NREP: variants seen among roughly 807,000 people sequenced by gnomAD.
NREP encodes the protein neuronal regeneration related protein.
A neutral mutation model predicts 8.6 loss-of-function variants in NREP; 5 were observed. The ratio of observed to expected loss-of-function variants is 0.58; its 90% CI spans 0.30 to 1.22. NREP has a LOEUF of 1.22. Ranked by LOEUF, NREP falls within the 50% of genes most tolerant of loss-of-function variation. The pLI, the probability that NREP is intolerant of heterozygous loss-of-function variation, is 0.07. For synonymous variants in NREP, 27 were observed against 28.0 expected, an observed-to-expected ratio of 0.96 and a Z score of 0.11; for missense variants, 86 against 82.5, an observed-to-expected ratio of 1.04 and a Z score of -0.17.
intron 2 of NREP, among the ~76,000 whole-genome samples, chr5:111,833,290 T>C (rs1752817902): frequency 6.6e-6 from 1 of 152,222 alleles, no homozygotes; most frequent in South Asian, 2.1e-4. Context: ...TATCCTACAA[T>C]GGCAATTATT....
chr5:111,880,144 C>A (rs1754014269), intron 2 of NREP, among the ~76,000 whole-genome samples: 1 of 152,138 alleles, frequency 6.6e-6, no homozygotes. Context: ...CCATTTATTA[C>A]CTGTGAGACA....
At chr5:111,895,451 T>C (rs1272527284) in intron 2 of NREP, among the ~76,000 whole-genome samples, 1 of 152,062 alleles carries the variant, frequency 6.6e-6, no homozygotes, top group Non-Finnish European at 1.5e-5. Flanking sequence ...GATATTTCAG[T>C]GCCATGGAAA....
At chr5:111,961,374 G>A (rs1261774786) in intron 2 of NREP, among the ~76,000 whole-genome samples, 1 of 152,204 alleles carries the variant, frequency 6.6e-6, no homozygotes, top group African/African-American at 2.4e-5. Flanking sequence ...TGTCCAAAAA[G>A]AAGCAATAAG....
intron 2 of NREP, among the ~76,000 whole-genome samples, chr5:111,770,053 G>T (rs1751181399): frequency 6.6e-6 from 1 of 152,176 alleles, no homozygotes. Context: ...GGACTATAGT[G>T]AGCAAGAGGA....
chr5:111,746,288 G>A (rs953759734), intron 2 of NREP, among the ~76,000 whole-genome samples: 2 of 151,948 alleles, frequency 1.3e-5, no homozygotes, highest in African/African-American at 4.8e-5. Flanking sequence ...TAAATGAAAA[G>A]ATGTGGAGAC....
intron 2 of NREP, among the ~76,000 whole-genome samples, chr5:111,810,265 T>G (rs1172170289): frequency 6.6e-6 from 1 of 151,544 alleles, no homozygotes; most frequent in East Asian, 1.9e-4. Context: ...CAGAATAGAG[T>G]GTGAGATGGT....
chr5:111,928,974 G>A (rs1435403207), intron 2 of NREP, among the ~76,000 whole-genome samples: 1 of 151,952 alleles, frequency 6.6e-6, no homozygotes, highest in Non-Finnish European at 1.5e-5. Flanking sequence ...TTAAATTATT[G>A]TATGTAGTTT....
chr5:111,789,221 AGG>A (rs1751683804), intron 2 of NREP, among the ~76,000 whole-genome samples: 1 of 152,164 alleles, frequency 6.6e-6, no homozygotes, highest in African/African-American at 2.4e-5. Context: ...CTGTTTCTCT[AGG>A]GAAGCATCAT....
intron 2 of NREP, among the ~76,000 whole-genome samples, chr5:111,956,460 A>T (rs757201431): frequency 3.4e-4 from 52 of 152,264 alleles, no homozygotes; most frequent in Middle Eastern, 3.4e-3. Flanking sequence ...AAATTAGTAA[A>T]TTTGAAGAGA....
At chr5:111,836,347 A>G (rs1752893180) in intron 2 of NREP, among the ~76,000 whole-genome samples, 1 of 152,040 alleles carries the variant, frequency 6.6e-6, no homozygotes, top group Non-Finnish European at 1.5e-5. Context: ...ATCTGAATAT[A>G]CAGAGAGGGG....
chr5:111,757,846 G>C, upstream of NREP: 1 of 972,626 alleles, frequency 1.0e-6, no homozygotes, highest in Non-Finnish European at 1.2e-6. Context: ...AGGCGGTTTG[G>C]GGGCGCGCCA....
intron 2 of NREP, among the ~76,000 whole-genome samples, chr5:111,885,936 C>T (rs1302258492): frequency 1.3e-5 from 2 of 152,040 alleles, no homozygotes; most frequent in African/African-American, 4.8e-5. Context: ...TCTAAAACAC[C>T]AAAAGCAATG....
rs191879458 is a variant in NREP, at chr5:111,855,830, A to G, written c.135+119444T>C. Among the ~76,000 whole-genome samples, 4 of 152,298 alleles carry G rather than the reference A, an allele frequency of 2.6e-5. No individual in the cohort carries two copies. The East Asian group carries it at 7.7e-4, about 29-fold the overall frequency. On this transcript the variant is annotated intron_variant, in intron 2 of 3. Coordinates refer to the NREP transcript ENST00000395634. ...AACCTCCCCAATAATACTTTCATGC[A>G]GGCGAAATCAGGTGAAAATGCACAC...
chr5:111,870,788 G>A lies in NREP; in HGVS notation c.135+104486C>T, dbSNP rs144095735. The stretch of plus-strand genomic sequence containing the variant: ...AGGCAGAGATTGGAGATATGCAGCT[G>A]CAAGCCAAGGACTGTCAAGGATTGA... On this transcript the variant is annotated intron_variant, in intron 2 of 3. Transcript: ENST00000395634. Among the ~76,000 whole-genome samples, 628 of 152,264 alleles carry A rather than the reference G, an allele frequency of 4.1e-3. 4 individuals carry two copies. The highest frequency in any genetic ancestry group is 6.0e-3 in the Non-Finnish European group (409 of 68,018).
chr5:111,782,251 A>T (rs188048084), intron 2 of NREP, among the ~76,000 whole-genome samples: 446 of 152,314 alleles, frequency 2.9e-3, no homozygotes, highest in Non-Finnish European at 5.0e-3. Flanking sequence ...GAATATCCAC[A>T]TGTAGAGTAC....
intron 2 of NREP, among the ~76,000 whole-genome samples, chr5:111,871,231 C>T (rs577717648): frequency 3.3e-5 from 5 of 152,234 alleles, no homozygotes; most frequent in African/African-American, 9.6e-5. Flanking sequence ...CTATTGCTCT[C>T]CTAGGCTACA....
chr5:111,793,758 T>G (rs1268449861), intron 2 of NREP, among the ~76,000 whole-genome samples: 1 of 152,138 alleles, frequency 6.6e-6, no homozygotes, highest in African/African-American at 2.4e-5. Context: ...ATGGCACATA[T>G]CTACTGTAAA....
chr5:111,741,828 C>CACACAG (rs1561638665), intron 2 of NREP, among the ~76,000 whole-genome samples: 38 of 146,540 alleles, frequency 2.6e-4, no homozygotes, highest in African/African-American at 7.9e-4. Flanking sequence ...CACACATACA[C>CACACAG]ACACACACAC....
intron 2 of NREP, chr5:111,975,203 T>C (rs543067605): frequency 9.9e-7 from 1 of 1,009,562 alleles, no homozygotes; most frequent in Admixed American, 2.0e-5. Flanking sequence ...ATCACTTGGT[T>C]GCATGTGATG....
Sources: gnomAD v4.1 joint callset for allele counts (sites outside exome capture counted in the v4.1 genomes callset) on GRCh38, gnomAD v4.1.1 for gene constraint, MANE v1.5 for transcripts, NCBI Gene and HGNC (gene_info 2026-07-23, HGNC 2026-07-21) for gene names.